The following UNC13C variants were observed in gnomAD, a reference collection of about 807,000 sequenced individuals.
The protein encoded by UNC13C is unc-13 homolog C.
A neutral mutation model predicts 245.4 loss-of-function variants in UNC13C; 174 were observed. That is an observed-to-expected ratio of 0.71 (90% CI 0.63 to 0.80). The LOEUF is 0.80. Ranked by LOEUF, UNC13C falls within the 30% of genes least tolerant of loss-of-function variation. The pLI is 0.00. For synonymous variants in UNC13C, 992 were observed against 895.1 expected (o/e 1.11, Z -1.93); for missense variants, 2,829 against 2,602.9 (o/e 1.09, Z -1.89).
chr15:54,087,024 G>A (rs1362867286), intron 2 of UNC13C, among the ~76,000 whole-genome samples: 1 of 151,996 alleles, frequency 6.6e-6, no homozygotes, highest in Non-Finnish European at 1.5e-5. Context: ...GTGAGCCACT[G>A]CACCTGGCCT....
chr15:54,304,549 C>G (rs1000922390), intron 13 of UNC13C, among the ~76,000 whole-genome samples: 13 of 151,380 alleles, frequency 8.6e-5, no homozygotes, highest in Non-Finnish European at 1.9e-4. Flanking sequence ...CTTGCAGATT[C>G]CAAATGACCT....
At chr15:54,346,813 A>T (rs2038869575) in intron 17 of UNC13C, among the ~76,000 whole-genome samples, 1 of 152,220 alleles carries the variant, frequency 6.6e-6, no homozygotes, top group Non-Finnish European at 1.5e-5. Flanking sequence ...GGTACACAAA[A>T]GATCAATCTA....
chr15:54,286,919 A>G (rs1250501601), intron 10 of UNC13C, among the ~76,000 whole-genome samples: 1 of 152,198 alleles, frequency 6.6e-6, no homozygotes, highest in Non-Finnish European at 1.5e-5. Flanking sequence ...CTCTTTAACA[A>G]TGAAAACATT....
intron 30 of UNC13C, among the ~76,000 whole-genome samples, chr15:54,615,135 C>G (rs563475153): frequency 6.6e-6 from 1 of 151,968 alleles, no homozygotes; most frequent in Non-Finnish European, 1.5e-5. Context: ...TGTTTTGATA[C>G]AGGCATGCAA....
At chr15:54,038,118 A>ATTTTTT (rs1297641805) in intron 2 of UNC13C, among the ~76,000 whole-genome samples, 597 of 28,652 alleles carry the variant, frequency 0.021, 35 homozygotes, top group African/African-American at 0.051. Flanking sequence ...ATATATATAT[A>ATTTTTT]TATATATTTT....
At chr15:54,217,168 T>A (rs2035067160) in intron 4 of UNC13C, among the ~76,000 whole-genome samples, 1 of 151,924 alleles carries the variant, frequency 6.6e-6, no homozygotes, top group Admixed American at 6.6e-5. Context: ...TTTGAGAGGA[T>A]CAAAGTAGTG....
intron 4 of UNC13C, among the ~76,000 whole-genome samples, chr15:54,207,784 ACT>A (rs2034761289): frequency 6.6e-6 from 1 of 152,028 alleles, no homozygotes; most frequent in African/African-American, 2.4e-5. Context: ...CAAGAGAAGC[ACT>A]CTGAAACCAG....
intron 1 of UNC13C, among the ~76,000 whole-genome samples, chr15:53,987,528 CTTTTTG>C (rs1375148912): frequency 1.5e-5 from 2 of 129,752 alleles, no homozygotes; most frequent in Non-Finnish European, 3.5e-5. Flanking sequence ...GAAAGACAGG[CTTTTTG>C]TTGTTGTTGT....
intron 2 of UNC13C, among the ~76,000 whole-genome samples, chr15:54,062,495 A>C (rs530378298): frequency 1.3e-5 from 2 of 152,136 alleles, no homozygotes; most frequent in East Asian, 3.9e-4. Context: ...ACAAAACTCA[A>C]CTTTCCAGGA....
At chr15:54,267,908 C>T (rs2036586982) in intron 10 of UNC13C, among the ~76,000 whole-genome samples, 1 of 151,882 alleles carries the variant, frequency 6.6e-6, no homozygotes, top group African/African-American at 2.4e-5. Flanking sequence ...CCTGAAGTTG[C>T]CTCATAGCTC....
At chr15:54,299,894 AT>A (rs1207299215) in intron 12 of UNC13C, among the ~76,000 whole-genome samples, 1 of 152,090 alleles carries the variant, frequency 6.6e-6, no homozygotes, top group Non-Finnish European at 1.5e-5. Context: ...TAAAGCCTTG[AT>A]TTTTCCTAGG....
intron 11 of UNC13C, 65 bp downstream of exon 11, chr15:54,294,129 A>G (rs2037371220): frequency 3.0e-6 from 4 of 1,338,410 alleles, no homozygotes; most frequent in African/African-American, 1.5e-5. Flanking sequence ...TGTGGCATGT[A>G]TTACATTCCC....
intron 2 of UNC13C, among the ~76,000 whole-genome samples, chr15:54,136,903 A>C (rs1333306282): frequency 6.6e-6 from 1 of 151,538 alleles, no homozygotes; most frequent in African/African-American, 2.4e-5. Flanking sequence ...GTGCAGTGGT[A>C]CCATCTAGGC....
chr15:54,071,890 C>A (rs1898347063), intron 2 of UNC13C, among the ~76,000 whole-genome samples: 1 of 152,104 alleles, frequency 6.6e-6, no homozygotes, highest in African/African-American at 2.4e-5. Context: ...CCTGGCCTGA[C>A]TTACTGCTGG....
chr15:54,267,277 T>A (rs76096558), intron 10 of UNC13C, among the ~76,000 whole-genome samples: 32,155 of 149,598 alleles, frequency 0.21, 3,806 homozygotes, highest in Middle Eastern at 0.33. Context: ...CATCTTTTTT[T>A]AACAAAACAA....
intron 30 of UNC13C, among the ~76,000 whole-genome samples, chr15:54,617,866 G>T (rs530839498): frequency 7.9e-5 from 12 of 152,046 alleles, no homozygotes; most frequent in Admixed American, 3.3e-4. Context: ...ATATTTAATG[G>T]TGATATTGCC....
At chr15:53,949,140 C>A in the UNC13C span, among the ~76,000 whole-genome samples, 5 of 152,270 alleles carry the variant, frequency 3.3e-5, no homozygotes, top group East Asian at 9.7e-4. Context: ...AGTGAAGAAT[C>A]TTGGCACCTT....
the UNC13C span, among the ~76,000 whole-genome samples, chr15:53,893,397 C>G: frequency 4.6e-4 from 70 of 152,302 alleles, no homozygotes; most frequent in South Asian, 0.014. Context: ...GGGAGGTTTG[C>G]TGCTCTCTTC....
the UNC13C span, among the ~76,000 whole-genome samples, chr15:53,887,588 T>C: frequency 2.0e-5 from 3 of 152,166 alleles, no homozygotes; most frequent in Admixed American, 6.6e-5. Flanking sequence ...TTTTTGTTTT[T>C]ATTATACTTT....
Sources: allele counts gnomAD v4.1 joint callset (sites outside exome capture counted in the v4.1 genomes callset), GRCh38; gene constraint gnomAD v4.1.1; transcripts MANE v1.5; gene names NCBI Gene and HGNC (gene_info 2026-07-23, HGNC 2026-07-21).